BCL9: variants seen among roughly 807,000 people sequenced by gnomAD.
BCL9 encodes the protein BCL9 transcription coactivator.
Under a neutral mutation model 88.5 loss-of-function variants are expected in BCL9, and 25 were observed. The ratio of observed to expected loss-of-function variants is 0.28; its 90% CI spans 0.21 to 0.39. BCL9 has a LOEUF of 0.39. Ranked by LOEUF, BCL9 falls within the 10% of genes least tolerant of loss-of-function variation. BCL9 has a pLI of 1.00. For missense variants in BCL9, 1,817 were observed against 1,877.8 expected (o/e 0.97, Z 0.60); for synonymous variants, 711 against 673.3 (o/e 1.06, Z -0.87).
intron 3 of BCL9, among the ~76,000 whole-genome samples, chr1:147,610,784 A>G (rs782025957): frequency 8.5e-5 from 13 of 152,234 alleles, no homozygotes. Context: ...TTTGTTCTCT[A>G]GCTAGGTTTG....
chr1:147,606,696 C>A (rs782789243), intron 2 of BCL9, 88 bp from the exon 3 acceptor site: 1 of 152,162 alleles, frequency 6.6e-6, no homozygotes, highest in Non-Finnish European at 1.5e-5. Context: ...AATAAGAAAC[C>A]TGTTTTTCTC....
intron 1 of BCL9, among the ~76,000 whole-genome samples, chr1:147,547,898 T>G (rs1570804206): frequency 6.6e-6 from 1 of 152,364 alleles, no homozygotes; most frequent in East Asian, 1.9e-4. Flanking sequence ...ATATTATTGT[T>G]GCCAATCTAA....
intron 7 of BCL9, among the ~76,000 whole-genome samples, 200 bp from the exon 8 acceptor site, chr1:147,618,616 T>C (rs1658422890): frequency 7.3e-6 from 1 of 137,822 alleles, no homozygotes; most frequent in Admixed American, 7.7e-5. Flanking sequence ...GGAAAGAGGA[T>C]ACCATTTGAC....
chr1:147,562,014 G>C (rs1409351676), intron 1 of BCL9, among the ~76,000 whole-genome samples: 1 of 152,204 alleles, frequency 6.6e-6, no homozygotes, highest in Non-Finnish European at 1.5e-5. Flanking sequence ...ATGTGGAGAG[G>C]ATAGAGAAGA....
At chr1:147,602,678 C>CA (rs781847266) in intron 1 of BCL9, among the ~76,000 whole-genome samples, 1 of 152,102 alleles carries the variant, frequency 6.6e-6, no homozygotes, top group Non-Finnish European at 1.5e-5. Context: ...GGTAGATAGA[C>CA]AGGGAGGTCA....
chr1:147,547,299 T>C (rs1654651525), intron 1 of BCL9, among the ~76,000 whole-genome samples: 2 of 152,196 alleles, frequency 1.3e-5, no homozygotes, highest in Non-Finnish European at 2.9e-5. Context: ...GAATGAATGA[T>C]GTTTTCATTA....
chr1:147,572,612 C>G (rs1655935860), intron 1 of BCL9, among the ~76,000 whole-genome samples: 1 of 152,226 alleles, frequency 6.6e-6, no homozygotes, highest in Non-Finnish European at 1.5e-5. Context: ...CAGAGTCTTG[C>G]TCTGTCACCC....
intron 1 of BCL9, among the ~76,000 whole-genome samples, chr1:147,590,633 T>C (rs1656808988): frequency 6.6e-6 from 1 of 152,200 alleles, no homozygotes. Context: ...GACCTTGAAC[T>C]AGTCTTGTAA....
At chr1:147,602,048 G>T (rs1271967111) in intron 1 of BCL9, among the ~76,000 whole-genome samples, 2 of 151,772 alleles carry the variant, frequency 1.3e-5, no homozygotes, top group East Asian at 3.9e-4. Context: ...TTACAGGCAC[G>T]TGCCACCACG....
intron 7 of BCL9, 151 bp from the exon 8 acceptor site, chr1:147,618,665 C>A: frequency 1.5e-6 from 1 of 684,320 alleles, no homozygotes; most frequent in Non-Finnish European, 2.2e-6. Flanking sequence ...TGTCTCCATG[C>A]CCAAAAGAGG....
chr1:147,559,234 A>T (rs1191289609), intron 1 of BCL9, among the ~76,000 whole-genome samples: 1 of 147,638 alleles, frequency 6.8e-6, no homozygotes. Flanking sequence ...TGAGATTTTT[A>T]AAAGTATTTT....
intron 1 of BCL9, among the ~76,000 whole-genome samples, chr1:147,551,971 A>G (rs1654924856): frequency 6.6e-6 from 1 of 152,204 alleles, no homozygotes; most frequent in African/African-American, 2.4e-5. Context: ...ATGTCAGGCA[A>G]TGAAAATTAG....
chr1:147,625,046 T>G lies in BCL9; in HGVS notation c.*87T>G. 1 of 1,495,754 alleles carries G rather than the reference T, an allele frequency of 6.7e-7. No individual in the cohort carries two copies. Among genetic ancestry groups the G allele is most frequent in the Non-Finnish European group, 9.0e-7 (1 of 1,111,816 alleles). 92.7% of individuals were successfully genotyped at this position (1,495,754 alleles called of 1,614,324 possible). A position where few individuals can be genotyped will look rare whatever the true frequency, so the allele number is the denominator to read the frequency against. ...TTGAGGGAGTTCCAGGAGTACTTAC[T>G]ATTGGTCATGCAATAGGAGAACAGA... On this transcript the variant is annotated 3_prime_UTR_variant, in exon 10 of 10. Coordinates refer to ENST00000234739, the MANE Select transcript of BCL9 (RefSeq NM_004326.4).
At chr1:147,582,854 A>T (rs1421861001) in intron 1 of BCL9, among the ~76,000 whole-genome samples, 3 of 152,240 alleles carry the variant, frequency 2.0e-5, no homozygotes, top group Non-Finnish European at 2.9e-5. Context: ...GAAATTGTTT[A>T]CTGATCCCTG....
In BCL9 at chr1:147,593,148, A is replaced by G. The variant is rs587646868; in HGVS notation, c.-477-11629A>G. Among the ~76,000 whole-genome samples, 4 of 152,336 alleles carry G rather than the reference A, an allele frequency of 2.6e-5. No homozygotes were observed. The South Asian group carries it at 6.2e-4, about 24-fold the overall frequency. ...CAGGGCACTGCACGAGGTGCTGAGA[A>G]GACAAAGAGGCATCCAGCCCCACTG... On this transcript the variant is annotated intron_variant, in intron 1 of 9. Transcript: ENST00000234739.
At chr1:147,602,678 C>T (rs1557847785) in intron 1 of BCL9, among the ~76,000 whole-genome samples, 1 of 152,102 alleles carries the variant, frequency 6.6e-6, no homozygotes, top group Non-Finnish European at 1.5e-5. Context: ...GGTAGATAGA[C>T]AGGGAGGTCA....
At chr1:147,594,838 A>G (rs868963427) in intron 1 of BCL9, among the ~76,000 whole-genome samples, 15 of 152,340 alleles carry the variant, frequency 9.8e-5, no homozygotes, top group Middle Eastern at 3.4e-3. Context: ...ATTACAGAGG[A>G]GGAAACACAA....
At chr1:147,573,346 G>A (rs1468824047) in intron 1 of BCL9, among the ~76,000 whole-genome samples, 3 of 152,104 alleles carry the variant, frequency 2.0e-5, no homozygotes, top group African/African-American at 7.2e-5. Context: ...CCAGCTACTC[G>A]GGAGGCTGAG....
chr1:147,575,437 T>G (rs587630455), intron 1 of BCL9, among the ~76,000 whole-genome samples: 1 of 152,348 alleles, frequency 6.6e-6, no homozygotes, highest in Admixed American at 6.5e-5. Flanking sequence ...GTGCCAGCAA[T>G]GTAGCAGGTG....
Sources: gnomAD v4.1 joint callset for allele counts (sites outside exome capture counted in the v4.1 genomes callset) on GRCh38, gnomAD v4.1.1 for gene constraint, MANE v1.5 for transcripts, NCBI Gene and HGNC (gene_info 2026-07-23, HGNC 2026-07-21) for gene names.